The following LDLRAD4 variants were observed in gnomAD, a reference collection of about 807,000 sequenced individuals.
LDLRAD4 encodes the protein low density lipoprotein receptor class A domain containing 4, also known as low-density lipoprotein receptor class A domain-containing protein 4.
A neutral mutation model predicts 17.0 loss-of-function variants in LDLRAD4; 5 were observed. The observed-to-expected ratio is 0.29, with a 90% CI of 0.15 to 0.62. The LOEUF is 0.62. LDLRAD4 is among the 20% of genes least tolerant of loss of function. The pLI is 0.84. For synonymous variants in LDLRAD4, 168 were observed against 171.8 expected, an observed-to-expected ratio of 0.98 and a Z score of 0.17; for missense variants, 340 against 424.7, an observed-to-expected ratio of 0.80 and a Z score of 1.75.
At chr18:13,496,440 A>G (rs1171814027) in intron 3 of LDLRAD4, among the ~76,000 whole-genome samples, 1 of 152,182 alleles carries the variant, frequency 6.6e-6, no homozygotes, top group African/African-American at 2.4e-5. Context: ...ATGCTTAACA[A>G]ATCTTTTGTT....
chr18:13,229,519 G>A (rs1273007724), intron 1 of LDLRAD4, among the ~76,000 whole-genome samples: 1 of 152,164 alleles, frequency 6.6e-6, no homozygotes, highest in Non-Finnish European at 1.5e-5. Flanking sequence ...CAGAGACCCA[G>A]TTCCCGCCTT....
At chr18:13,267,954 C>G (rs1599007380) in intron 1 of LDLRAD4, among the ~76,000 whole-genome samples, 1 of 152,136 alleles carries the variant, frequency 6.6e-6, no homozygotes, top group Non-Finnish European at 1.5e-5. Flanking sequence ...GACTTGAACT[C>G]CTCACTTCAA....
At chr18:13,374,444 C>G (rs924820869) in intron 1 of LDLRAD4, among the ~76,000 whole-genome samples, 1 of 152,256 alleles carries the variant, frequency 6.6e-6, no homozygotes, top group Non-Finnish European at 1.5e-5. Flanking sequence ...TGGTCCCCAG[C>G]AGCATCAGCA....
chr18:13,444,415 G>A (rs545132814), intron 3 of LDLRAD4, among the ~76,000 whole-genome samples: 1 of 152,278 alleles, frequency 6.6e-6, no homozygotes, highest in East Asian at 1.9e-4. Context: ...TTTATTGTAA[G>A]AATGCAATAT....
At chr18:13,494,200 T>C (rs1371212680) in intron 3 of LDLRAD4, among the ~76,000 whole-genome samples, 1 of 152,138 alleles carries the variant, frequency 6.6e-6, no homozygotes, top group Non-Finnish European at 1.5e-5. Flanking sequence ...ATTCACTGTA[T>C]CCCAACCTGC....
At chr18:13,510,717 G>T (rs151124463) in intron 3 of LDLRAD4, among the ~76,000 whole-genome samples, 60 of 152,308 alleles carry the variant, frequency 3.9e-4, no homozygotes, top group African/African-American at 1.4e-3. Flanking sequence ...AGTCAGTTGG[G>T]TTGGCCTTTC....
At chr18:13,647,108 A>C (rs925257718) in exon 6 of LDLRAD4, 3 of 150,918 alleles carry the variant, frequency 2.0e-5, no homozygotes, top group African/African-American at 7.3e-5. Context: ...TTTGTACTGA[A>C]GGCAAGAACT....
intron 1 of LDLRAD4, among the ~76,000 whole-genome samples, chr18:13,296,977 C>A (rs2046314120): frequency 6.6e-6 from 1 of 152,134 alleles, no homozygotes; most frequent in African/African-American, 2.4e-5. Flanking sequence ...CCTGTCTGCA[C>A]CCAGGTTCTT....
chr18:13,331,863 T>G (rs761553111), intron 1 of LDLRAD4, among the ~76,000 whole-genome samples: 2 of 152,230 alleles, frequency 1.3e-5, no homozygotes, highest in Non-Finnish European at 2.9e-5. Flanking sequence ...GAATTTTCTT[T>G]TATTAAAATA....
At chr18:13,380,519 T>C (rs2085275003) in intron 1 of LDLRAD4, among the ~76,000 whole-genome samples, 1 of 152,190 alleles carries the variant, frequency 6.6e-6, no homozygotes, top group South Asian at 2.1e-4. Flanking sequence ...GGGTCGGATA[T>C]ATGACTCCTT....
At chr18:13,429,407 A>G (rs2090172977) in intron 2 of LDLRAD4, among the ~76,000 whole-genome samples, 1 of 152,168 alleles carries the variant, frequency 6.6e-6, no homozygotes, top group African/African-American at 2.4e-5. Flanking sequence ...CAGAAGTTAG[A>G]GCATGTTGGC....
chr18:13,615,939 G>T (rs994964043), intron 3 of LDLRAD4: 4 of 152,242 alleles, frequency 2.6e-5, no homozygotes, highest in South Asian at 2.1e-4. Flanking sequence ...CGTGTTAGGC[G>T]TGTAGCATCT....
chr18:13,567,007 A>T (rs2094611504), intron 3 of LDLRAD4, among the ~76,000 whole-genome samples: 2 of 152,202 alleles, frequency 1.3e-5, no homozygotes, highest in South Asian at 4.1e-4. Flanking sequence ...CTGGAGTCAC[A>T]CAGCGTGTGT....
intron 3 of LDLRAD4, among the ~76,000 whole-genome samples, chr18:13,619,515 C>CGGG (rs71366065): frequency 0.033 from 1,551 of 47,714 alleles, 74 homozygotes; most frequent in African/African-American, 0.13. Context: ...GGGGTGGGGC[C>CGGG]GGGGGGGGGC....
intron 4 of LDLRAD4, among the ~76,000 whole-genome samples, chr18:13,625,868 A>G (rs1210063258): frequency 3.8e-5 from 5 of 130,044 alleles, no homozygotes; most frequent in Non-Finnish European, 6.6e-5. Context: ...TCCACCAGCA[A>G]CCTCCTCCCC....
At chr18:13,309,043 C>T (rs2047076639) in intron 1 of LDLRAD4, among the ~76,000 whole-genome samples, 1 of 152,212 alleles carries the variant, frequency 6.6e-6, no homozygotes, top group Non-Finnish European at 1.5e-5. Flanking sequence ...ATTCTTACTA[C>T]ATTTTTCCAT....
intron 2 of LDLRAD4, among the ~76,000 whole-genome samples, chr18:13,390,096 G>C (rs2086151703): frequency 6.6e-6 from 1 of 152,116 alleles, no homozygotes; most frequent in Non-Finnish European, 1.5e-5. Flanking sequence ...AATGGGCTCT[G>C]CTCATCACTG....
At chr18:13,624,457 G>A (rs750050433) in intron 4 of LDLRAD4, among the ~76,000 whole-genome samples, 5 of 152,232 alleles carry the variant, frequency 3.3e-5, no homozygotes, top group African/African-American at 7.2e-5. Context: ...CCCCGCCTCC[G>A]CCACCAGCAG....
intron 3 of LDLRAD4, among the ~76,000 whole-genome samples, chr18:13,544,544 C>T (rs1448204755): frequency 2.6e-5 from 4 of 152,186 alleles, no homozygotes; most frequent in African/African-American, 9.7e-5. Context: ...TTGAGTGGCT[C>T]CTGGTACAGT....
Sources: allele counts gnomAD v4.1 joint callset (sites outside exome capture counted in the v4.1 genomes callset), GRCh38; gene constraint gnomAD v4.1.1; transcripts MANE v1.5; gene names NCBI Gene and HGNC (gene_info 2026-07-23, HGNC 2026-07-21).